TTC28: variants seen among roughly 807,000 people sequenced by gnomAD.
TTC28 encodes tetratricopeptide repeat domain 28.
In TTC28, 61 loss-of-function variants were observed where a neutral mutation model predicts 198.0. The ratio of observed to expected loss-of-function variants is 0.31; its 90% confidence interval spans 0.25 to 0.38. The LOEUF (loss-of-function observed/expected upper bound fraction) is 0.38, where lower values mean the gene tolerates loss of function less well. TTC28 is among the 10% of genes least tolerant of loss of function. The pLI, the probability that TTC28 is intolerant of heterozygous loss-of-function variation, is 1.00. For synonymous variants in TTC28, 1,171 were observed against 1,297.8 expected (o/e 0.90, Z 2.10); for missense variants, 2,678 against 3,164.0 (o/e 0.85, Z 3.69).
chr22:28,491,638 A>G (rs933176881), intron 2 of TTC28, among the ~76,000 whole-genome samples: 1 of 152,222 alleles, frequency 6.6e-6, no homozygotes, highest in African/African-American at 2.4e-5. Flanking sequence ...GTGGAGAAAC[A>G]GGAACACTTT....
At chr22:28,304,420 G>A (rs1273689170) in intron 3 of TTC28, among the ~76,000 whole-genome samples, 2 of 152,068 alleles carry the variant, frequency 1.3e-5, no homozygotes, top group South Asian at 2.1e-4. Context: ...ATAAATTGTT[G>A]GTAAGAAAAG....
At chr22:28,226,451 A>T (rs1424952494) in intron 5 of TTC28, among the ~76,000 whole-genome samples, 1 of 152,038 alleles carries the variant, frequency 6.6e-6, no homozygotes, top group East Asian at 1.9e-4. Context: ...TATGAGACAG[A>T]GTCTCACTCT....
At chr22:28,304,181 A>G (rs1248496680) in intron 3 of TTC28, among the ~76,000 whole-genome samples, 2 of 152,058 alleles carry the variant, frequency 1.3e-5, no homozygotes, top group East Asian at 3.9e-4. Context: ...GCTACTCAGG[A>G]GGCTGAGGCA....
intron 5 of TTC28, among the ~76,000 whole-genome samples, chr22:28,209,829 G>A (rs1372219924): frequency 6.6e-6 from 1 of 152,192 alleles, no homozygotes; most frequent in African/African-American, 2.4e-5. Flanking sequence ...AAAACACACA[G>A]ACTGCCTCCT....
At chr22:28,510,941 G>A (rs2048679315) in intron 2 of TTC28, among the ~76,000 whole-genome samples, 1 of 151,980 alleles carries the variant, frequency 6.6e-6, no homozygotes, top group Non-Finnish European at 1.5e-5. Context: ...TAGGAATACA[G>A]CTAACAAGAG....
intron 12 of TTC28, among the ~76,000 whole-genome samples, chr22:28,068,533 C>A (rs975642439): frequency 8.5e-5 from 13 of 152,090 alleles, no homozygotes; most frequent in African/African-American, 3.1e-4. Context: ...TCTCAGCGGG[C>A]AAGGAGTTTA....
intron 2 of TTC28, among the ~76,000 whole-genome samples, chr22:28,466,906 T>C (rs768963613): frequency 4.6e-5 from 7 of 151,870 alleles, no homozygotes; most frequent in South Asian, 2.1e-4. Context: ...ATTAGGAGGA[T>C]ATGAGGAGGC....
At chr22:28,597,997 G>C (rs545748996) in intron 2 of TTC28, among the ~76,000 whole-genome samples, 43 of 151,890 alleles carry the variant, frequency 2.8e-4, no homozygotes, top group Non-Finnish European at 5.0e-4. Context: ...CAAAGTGCTG[G>C]AATTACAGGC....
chr22:28,307,405 CT>C (rs2045167670), intron 2 of TTC28, among the ~76,000 whole-genome samples: 1 of 151,956 alleles, frequency 6.6e-6, no homozygotes, highest in African/African-American at 2.4e-5. Context: ...CATTTGTTTT[CT>C]TTTCTCTTTC....
chr22:28,030,338 C>T lies in TTC28; in HGVS notation c.3961G>A (p.Glu1321Lys), dbSNP rs1425573737. 2.6e-6 allele frequency: 4 copies of T among 1,551,742 alleles called. No individual in the cohort carries two copies. The highest frequency in any genetic ancestry group is 3.5e-6 in the Non-Finnish European group (4 of 1,147,030). ...TGCTGGTCCATGATGTCTCCCGCTT[C>T]ACTCTCTGTCTCACTGCTGGCACAG... is the stretch of plus-strand genomic sequence containing the variant. ...RACASSETES[E>K]AGDIMDQQFE... is the part of the protein sequence containing the mutation. Residue 1321 changes from glutamate to lysine, a missense_variant, in exon 13 of 23, where the codon GAA becomes AAA. Glu to Lys is a moderately conservative substitution (Grantham distance 56). Transcript: ENST00000397906.
At chr22:28,468,027 T>A (rs532428008) in intron 2 of TTC28, among the ~76,000 whole-genome samples, 1 of 152,098 alleles carries the variant, frequency 6.6e-6, no homozygotes, top group Non-Finnish European at 1.5e-5. Flanking sequence ...TGCCTCAGTC[T>A]CCCAAAGTGC....
chr22:28,014,333 G>A lies in TTC28; in HGVS notation c.4133C>T (p.Thr1378Ile). 6.4e-7 allele frequency: 1 copy of A among 1,551,654 alleles called. No individual in the cohort carries two copies. Among genetic ancestry groups the A allele is most frequent in the South Asian group, 1.2e-5 (1 of 84,048 alleles). Residue 1378 changes from threonine to isoleucine, a missense_variant, in exon 14 of 23, where the codon ACC becomes ATC. This residue lies in a region of TTC28 where 727 missense variants were observed against 861.9 expected (regional missense o/e 0.84). Transcript: ENST00000397906. Reference protein sequence around the residue: ...SNTVSPTQDGTSSLPRRQSSF... With the variant: ...SNTVSPTQDGISSLPRRQSSF... Reference sequence around the variant, plus strand: ...GCTCTGCCTCCTGGGAAGAGAGGAGGTCCCGTCCTGGGTCGGTGACACAGT... The same window carrying A: ...GCTCTGCCTCCTGGGAAGAGAGGAGATCCCGTCCTGGGTCGGTGACACAGT...
chr22:28,424,536 C>G (rs2047316609), intron 2 of TTC28, among the ~76,000 whole-genome samples: 1 of 152,144 alleles, frequency 6.6e-6, no homozygotes, highest in African/African-American at 2.4e-5. Flanking sequence ...GAGGTATTAT[C>G]TCTTTATCCA....
chr22:28,218,551 TTCAG>T (rs1467280150), intron 5 of TTC28, among the ~76,000 whole-genome samples: 3 of 152,096 alleles, frequency 2.0e-5, no homozygotes, highest in Non-Finnish European at 2.9e-5. Context: ...CACAGTTTTC[TTCAG>T]TCATTCTTTC....
At chr22:28,372,450 C>T (rs1485006538) in intron 2 of TTC28, among the ~76,000 whole-genome samples, 2 of 152,046 alleles carry the variant, frequency 1.3e-5, no homozygotes, top group Non-Finnish European at 2.9e-5. Context: ...TTTTTCTTTC[C>T]CTACAGTCCC....
At chr22:28,607,428 GA>G (rs1221908670) in intron 2 of TTC28, among the ~76,000 whole-genome samples, 2 of 151,990 alleles carry the variant, frequency 1.3e-5, no homozygotes, top group African/African-American at 4.8e-5. Flanking sequence ...TTTTACATAT[GA>G]AAAAATTCCC....
At chr22:28,190,811 TC>T (rs1924663690) in intron 5 of TTC28, among the ~76,000 whole-genome samples, 1 of 152,214 alleles carries the variant, frequency 6.6e-6, no homozygotes, top group Non-Finnish European at 1.5e-5. Flanking sequence ...ACTGCCTGGT[TC>T]CTTTGGGAGC....
At chr22:28,019,821 T>C (rs1398201072) in intron 13 of TTC28, among the ~76,000 whole-genome samples, 1 of 152,138 alleles carries the variant, frequency 6.6e-6, no homozygotes, top group Non-Finnish European at 1.5e-5. Context: ...AATGGGAGCT[T>C]TGAAAGGGGT....
chr22:28,319,279 A>G (rs1280862729), intron 2 of TTC28, among the ~76,000 whole-genome samples: 1 of 152,100 alleles, frequency 6.6e-6, no homozygotes, highest in African/African-American at 2.4e-5. Context: ...GGAGACTCTT[A>G]TTACTCACTA....
Sources: allele counts gnomAD v4.1 joint callset (sites outside exome capture counted in the v4.1 genomes callset), GRCh38; gene constraint gnomAD v4.1.1; regional missense constraint gnomAD v4.1.1; transcripts MANE v1.5; gene names NCBI Gene and HGNC (gene_info 2026-07-23, HGNC 2026-07-21).